Variants in BCAS3 observed in about 807,000 individuals in gnomAD.
BCAS3 encodes BCAS4/BCAS3 fusion.
BCAS3 carries 53 observed loss-of-function variants against 116.1 expected under a neutral mutation model. The ratio of observed to expected loss-of-function variants is 0.46; its 90% CI spans 0.37 to 0.57. The LOEUF (loss-of-function observed/expected upper bound fraction) is 0.57. BCAS3 is among the 20% of genes least tolerant of loss of function. BCAS3 has a pLI of 0.00. For missense variants in BCAS3, 917 were observed against 1,165.4 expected (o/e 0.79, Z 3.10); for synonymous variants, 391 against 408.2 (o/e 0.96, Z 0.51).
Position 61,388,500 on chromosome 17 carries a change from C to A in BCAS3, c.2594-3477C>A. 1 of 901,834 alleles carries A rather than the reference C, an allele frequency of 1.1e-6. No homozygotes were observed. Among genetic ancestry groups the A allele is most frequent in the Non-Finnish European group, 1.7e-6 (1 of 600,902 alleles). 55.9% of individuals were successfully genotyped at this position (901,834 alleles called of 1,614,324 possible). ...TCCTTGACTGCAAACTCCCCCTCCT[C>A]ACGGTGTGCCCCTGCGCCTCCTGAC... On this transcript the variant is annotated intron_variant, in intron 23 of 23. Transcript: ENST00000407086. This position sits in a 1 kb window ranked among gnomAD's most constrained non-coding sequence, Gnocchi z 6.5.
chr17:61,107,403 C>A (rs2074738724), intron 22 of BCAS3, among the ~76,000 whole-genome samples: 1 of 152,058 alleles, frequency 6.6e-6, no homozygotes. Context: ...GTCATTTTAT[C>A]ATGTGCACAG....
intron 7 of BCAS3, among the ~76,000 whole-genome samples, chr17:60,814,652 G>T (rs2049199748): frequency 6.6e-6 from 1 of 152,158 alleles, no homozygotes; most frequent in Non-Finnish European, 1.5e-5. Context: ...ATAAGCAAAA[G>T]ATACTTTTGT....
chr17:60,835,820 A>C (rs1047954979), intron 7 of BCAS3, among the ~76,000 whole-genome samples: 1 of 152,146 alleles, frequency 6.6e-6, no homozygotes, highest in East Asian at 1.9e-4. Flanking sequence ...GATATTATAC[A>C]GCAGTAACAG....
chr17:60,975,380 C>G lies in BCAS3; in HGVS notation c.1222-14591C>G, dbSNP rs1451673308. 2.0e-5 allele frequency among the ~76,000 whole-genome samples: 3 copies of G among 152,232 alleles called. No homozygotes were observed. The East Asian group carries it at 5.8e-4, about 29-fold the overall frequency. On this transcript the variant is annotated intron_variant, in intron 14 of 23. Coordinates refer to ENST00000407086, the MANE Select transcript of BCAS3 (RefSeq NM_017679.5). ...GATAAAAATGCTCGTTTAGGCTTCTCAGCAGCTGCTTATCTTCCTTTGTGC... is the reference window on the plus strand; with the variant it reads ...GATAAAAATGCTCGTTTAGGCTTCTGAGCAGCTGCTTATCTTCCTTTGTGC...
At position 61,246,134 on chromosome 17, in the gene BCAS3, T is replaced by A. The variant is rs188898848; in HGVS notation, c.2426-122193T>A. Among the ~76,000 whole-genome samples the A allele has an allele frequency of 6.6e-5, 10 of 152,228 alleles. No homozygotes were observed. In the East Asian group the frequency reaches 1.9e-3, roughly 29 times the overall value. ...GAGTCTTACAACTATCACGACCTCATAACTGATCTAAGATGGCTTTCTGGA... is the reference window on the plus strand; with the variant it reads ...GAGTCTTACAACTATCACGACCTCAAAACTGATCTAAGATGGCTTTCTGGA... On this transcript the variant is annotated intron_variant, in intron 22 of 23. Coordinates refer to ENST00000407086, the MANE Select transcript of BCAS3 (RefSeq NM_017679.5).
At position 61,388,071 on chromosome 17, in the gene BCAS3, C is replaced by T. The variant is rs914976801; in HGVS notation, c.2594-3906C>T. Among the ~76,000 whole-genome samples the T allele has an allele frequency of 6.6e-6, 1 of 152,192 alleles. No homozygotes were observed. The highest frequency in any genetic ancestry group is 2.4e-5 in the African/African-American group (1 of 41,436). ...TCATTTCCTGCCACAGAGCCCCCAG[C>T]ACTCTCTTTCGGGCCCTGGCAGGTT... On this transcript the variant is annotated intron_variant, in intron 23 of 23. Transcript: ENST00000407086. This position sits in a 1 kb window ranked among gnomAD's most constrained non-coding sequence, Gnocchi z 6.5.
Position 60,750,547 on chromosome 17 carries a change from A to G in BCAS3, c.403+3268A>G, listed in dbSNP as rs142624672. Among the ~76,000 whole-genome samples, 549 of 152,350 alleles carry G rather than the reference A, an allele frequency of 3.6e-3. 3 individuals are homozygous for G. The highest frequency in any genetic ancestry group is 0.013 in the African/African-American group (521 of 41,576). On this transcript the variant is annotated intron_variant, in intron 6 of 23. Transcript: ENST00000407086. Reference sequence around the variant, plus strand: ...GAAAGTGTCGTTATTCATCGATAACATGATTGTGTACATAGAAAATGCAAT... The same window carrying G: ...GAAAGTGTCGTTATTCATCGATAACGTGATTGTGTACATAGAAAATGCAAT...
At chr17:61,096,022 G>C (rs1235688413) in intron 22 of BCAS3, among the ~76,000 whole-genome samples, 1 of 151,900 alleles carries the variant, frequency 6.6e-6, no homozygotes, top group East Asian at 1.9e-4. Flanking sequence ...TTTTGAGATG[G>C]AGTCTTACTC....
intron 17 of BCAS3, among the ~76,000 whole-genome samples, chr17:61,036,852 A>G (rs879347591): frequency 7.9e-5 from 12 of 152,160 alleles, no homozygotes; most frequent in Non-Finnish European, 1.3e-4. Flanking sequence ...ATGGAGAGAA[A>G]GAAGAGGATT....
intron 5 of BCAS3, among the ~76,000 whole-genome samples, chr17:60,744,221 T>A (rs1054442188): frequency 1.3e-5 from 2 of 152,210 alleles, no homozygotes; most frequent in Non-Finnish European, 2.9e-5. Flanking sequence ...ATTGTTGGTT[T>A]AAAAGTGAAC....
rs1053961691 is a variant in BCAS3 at position 61,131,530 on chromosome 17, T to C, written c.2425+46966T>C. ...CAAACTCATAATTAAGTATGAACAATTTGCATTTGAGATTTTAAAATAAAG... is the reference window on the plus strand; with the variant it reads ...CAAACTCATAATTAAGTATGAACAACTTGCATTTGAGATTTTAAAATAAAG... On this transcript the variant is annotated intron_variant, in intron 22 of 23. Coordinates refer to ENST00000407086, the MANE Select transcript of BCAS3 (RefSeq NM_017679.5). This position sits in a 1 kb window ranked among gnomAD's most constrained non-coding sequence, Gnocchi z 4.4. Among the ~76,000 whole-genome samples the C allele has an allele frequency of 9.2e-5, 14 of 152,222 alleles. No individual in the cohort carries two copies. The highest frequency in any genetic ancestry group is 1.8e-4 in the Non-Finnish European group (12 of 68,032).
Position 60,973,511 on chromosome 17 carries a change from AAC to A in BCAS3, c.1222-16459_1222-16458del, listed in dbSNP as rs533657043. Among the ~76,000 whole-genome samples the A allele has an allele frequency of 3.1e-3, 472 of 151,572 alleles. 6 individuals carry two copies. The highest frequency in any genetic ancestry group is 0.011 in the African/African-American group (456 of 41,166). Reference sequence around the variant, plus strand: ...AGAATAGTTTTCTTATCTCAGAAACAACTTTCCTCCTGCCCTTTTTCGTCAGT... The same window carrying A: ...AGAATAGTTTTCTTATCTCAGAAACATTTCCTCCTGCCCTTTTTCGTCAGT... On this transcript the variant is annotated intron_variant, in intron 14 of 23. Transcript: ENST00000407086.
intron 6 of BCAS3, among the ~76,000 whole-genome samples, chr17:60,780,677 A>T (rs1443278136): frequency 1.3e-5 from 2 of 152,068 alleles, no homozygotes; most frequent in African/African-American, 4.8e-5. Flanking sequence ...TAAAAGATAG[A>T]CCTCTTGATA....
chr17:60,914,957 A>C (rs2058703495), intron 12 of BCAS3, among the ~76,000 whole-genome samples: 1 of 152,132 alleles, frequency 6.6e-6, no homozygotes, highest in African/African-American at 2.4e-5. Context: ...AGCACTTGTA[A>C]ACATGAGTTG....
At chr17:61,271,487 G>A (rs552807658) in intron 22 of BCAS3, among the ~76,000 whole-genome samples, 4 of 117,328 alleles carry the variant, frequency 3.4e-5, no homozygotes, top group South Asian at 2.9e-4. Context: ...GCAGTGGCGC[G>A]ATCTTGGCTC....
intron 7 of BCAS3, chr17:60,811,262 G>T: frequency 2.2e-6 from 2 of 910,360 alleles, no homozygotes; most frequent in South Asian, 1.4e-5. Context: ...GGAGTAGGAG[G>T]CCCTGCTGAA....
chr17:61,098,820 C>G lies in BCAS3; in HGVS notation c.2425+14256C>G, dbSNP rs1454770028. ...GTGGATCCTGATTGTTCTGTTACTG[C>G]TTGGCTTAAGATACCCCTGGATGGG... On this transcript the variant is annotated intron_variant, in intron 22 of 23. Transcript: ENST00000407086. The surrounding 1 kb of genome is among the most constrained non-coding windows in gnomAD (Gnocchi z 4.2). 2.0e-5 allele frequency among the ~76,000 whole-genome samples: 3 copies of G among 151,782 alleles called. No homozygotes were observed. In the East Asian group the frequency reaches 5.8e-4, roughly 29 times the overall value.
chr17:60,756,451 G>T (rs1436657907), intron 6 of BCAS3, among the ~76,000 whole-genome samples: 2 of 152,052 alleles, frequency 1.3e-5, no homozygotes, highest in Non-Finnish European at 2.9e-5. Context: ...CCAGGCTCTG[G>T]TATGTATCAT....
chr17:61,368,503 G>A lies in BCAS3; in HGVS notation c.2593+9G>A, dbSNP rs748414012. The A allele has an allele frequency of 5.7e-6, 9 of 1,592,544 alleles. No homozygotes were observed. The highest frequency in any genetic ancestry group is 7.7e-6 in the Non-Finnish European group (9 of 1,163,290). ...CGTGGGATCCGGAACAGGTAAAGGT[G>A]TCATCAGACTTCTAGCCTGATTTGG... On this transcript the variant is annotated intron_variant, in intron 23 of 23. Coordinates refer to ENST00000407086, the MANE Select transcript of BCAS3 (RefSeq NM_017679.5). The surrounding 1 kb of genome is among the most constrained non-coding windows in gnomAD (Gnocchi z 6.0).
Sources: gnomAD v4.1 joint callset for allele counts (sites outside exome capture counted in the v4.1 genomes callset) on GRCh38, gnomAD v4.1.1 for gene constraint, Gnocchi (gnomAD v3.1) non-coding constraint, MANE v1.5 for transcripts, NCBI Gene and HGNC (gene_info 2026-07-23, HGNC 2026-07-21) for gene names.